Variants in RBFOX3 observed in about 807,000 individuals in gnomAD.
The protein encoded by RBFOX3 is RNA binding protein fox-1 homolog 3.
A neutral mutation model predicts 48.7 loss-of-function variants in RBFOX3; 17 were observed. The observed-to-expected ratio is 0.35, with a 90% CI of 0.24 to 0.52. RBFOX3 has a LOEUF of 0.52. RBFOX3 is among the 20% of genes least tolerant of loss of function. RBFOX3 has a pLI of 0.94. For synonymous variants in RBFOX3, 212 were observed against 209.5 expected, an observed-to-expected ratio of 1.01 and a Z score of -0.10; for missense variants, 382 against 497.5, an observed-to-expected ratio of 0.77 and a Z score of 2.21.
rs377660420 is a variant in RBFOX3 at position 79,106,754 on chromosome 17, G to A, written c.257C>T (p.Pro86Leu). The A allele has an allele frequency of 4.1e-5, 63 of 1,524,860 alleles. No homozygotes were observed. Among genetic ancestry groups the A allele is most frequent in the East Asian group, 7.8e-5 (3 of 38,600 alleles). 94.5% of individuals were successfully genotyped at this position (1,524,860 alleles called of 1,614,324 possible). A position where few individuals can be genotyped will look rare whatever the true frequency, so the allele number is the denominator to read the frequency against. Reference sequence around the variant, plus strand: ...CTCTGTAGGGTCGGAGGGGTGGAGCGGCTGGCTGTCCGTCTGTGCCGCCTC... The same window carrying A: ...CTCTGTAGGGTCGGAGGGGTGGAGCAGCTGGCTGTCCGTCTGTGCCGCCTC... ...TDEAAQTDSQ[P>L]LHPSDPTEKQ... Residue 86 changes from proline to leucine, a missense_variant, in exon 6 of 15, where the codon CCG becomes CTG. By Grantham distance (98) the Pro-to-Leu change is moderately conservative. Coordinates refer to ENST00000693108, the MANE Select transcript of RBFOX3 (RefSeq NM_001350451.2).
intron 4 of RBFOX3, chr17:79,235,405 G>C (rs192869107): frequency 6.6e-6 from 1 of 151,988 alleles, no homozygotes; most frequent in Admixed American, 6.6e-5. Flanking sequence ...GGGGACCTTG[G>C]GGTTGGGGGA....
chr17:79,429,721 G>T (rs924715217), intron 2 of RBFOX3, among the ~76,000 whole-genome samples: 5 of 152,120 alleles, frequency 3.3e-5, no homozygotes, highest in African/African-American at 1.2e-4. Flanking sequence ...CAAAACCGAG[G>T]CCATGGGAAT....
chr17:79,156,736 C>T (rs568522440), intron 4 of RBFOX3, among the ~76,000 whole-genome samples: 1 of 152,316 alleles, frequency 6.6e-6, no homozygotes, highest in East Asian at 1.9e-4. Flanking sequence ...AGAGACTAGC[C>T]CAGGTGCTGT....
intron 2 of RBFOX3, among the ~76,000 whole-genome samples, chr17:79,396,688 G>C (rs1041581893): frequency 7.2e-5 from 11 of 152,224 alleles, no homozygotes; most frequent in African/African-American, 2.7e-4. Flanking sequence ...AGCTGGCCTG[G>C]GTAGGCCCAC....
chr17:79,231,732 A>C (rs1037958717), intron 4 of RBFOX3, among the ~76,000 whole-genome samples: 11 of 152,238 alleles, frequency 7.2e-5, no homozygotes, highest in African/African-American at 2.7e-4. Context: ...AAATCTAAGA[A>C]AAGATGTTCA....
rs891749791 is a variant in RBFOX3 at position 79,421,112 on chromosome 17, A to G, written c.-175+61342T>C. On this transcript the variant is annotated intron_variant, in intron 2 of 14. Coordinates refer to ENST00000693108, the MANE Select transcript of RBFOX3 (RefSeq NM_001350451.2). The surrounding 1 kb of genome is among the most constrained non-coding windows in gnomAD (Gnocchi z 4.5). ...TGAGCCTCCCCAGGTGCTGTCAAACATCAGTGCCAGGAAGATGACACCGTC... is the reference window on the plus strand; with the variant it reads ...TGAGCCTCCCCAGGTGCTGTCAAACGTCAGTGCCAGGAAGATGACACCGTC... Among the ~76,000 whole-genome samples, 5 of 152,236 alleles carry G rather than the reference A, an allele frequency of 3.3e-5. No individual in the cohort carries two copies. The highest frequency in any genetic ancestry group is 6.5e-5 in the Admixed American group (1 of 15,308).
intron 1 of RBFOX3, among the ~76,000 whole-genome samples, chr17:79,589,660 C>A (rs1025376038): frequency 6.6e-6 from 1 of 152,132 alleles, no homozygotes; most frequent in Non-Finnish European, 1.5e-5. Flanking sequence ...CAGAAATGCA[C>A]GGGGAGGAGC....
At chr17:79,106,240 T>G (rs2077344014) in intron 6 of RBFOX3, among the ~76,000 whole-genome samples, 1 of 151,864 alleles carries the variant, frequency 6.6e-6, no homozygotes, top group African/African-American at 2.4e-5. Flanking sequence ...CCCCTCCAGG[T>G]ACCCTCTTGC....
chr17:79,288,714 C>A (rs766017083), intron 3 of RBFOX3, among the ~76,000 whole-genome samples: 1 of 152,162 alleles, frequency 6.6e-6, no homozygotes. Flanking sequence ...CTTCTCACCC[C>A]ACAGCGACAT....
chr17:79,594,234 T>A (rs1274453723), intron 1 of RBFOX3, among the ~76,000 whole-genome samples: 1 of 152,036 alleles, frequency 6.6e-6, no homozygotes, highest in East Asian at 1.9e-4. Flanking sequence ...TTTAAAACCC[T>A]TGGAAACTTT....
At chr17:79,517,458 A>AC (rs1162151274) in intron 1 of RBFOX3, among the ~76,000 whole-genome samples, 76 of 151,536 alleles carry the variant, frequency 5.0e-4, no homozygotes, top group Middle Eastern at 3.4e-3. Flanking sequence ...AAAAAAAAAA[A>AC]AAACAAACAA....
intron 4 of RBFOX3, among the ~76,000 whole-genome samples, chr17:79,174,875 C>G (rs1270232263): frequency 6.6e-6 from 1 of 152,228 alleles, no homozygotes; most frequent in Non-Finnish European, 1.5e-5. Flanking sequence ...TGAGCGTCCC[C>G]TTGCAGGGTA....
chr17:79,176,259 G>A (rs1372649559), intron 4 of RBFOX3, among the ~76,000 whole-genome samples: 2 of 152,224 alleles, frequency 1.3e-5, no homozygotes, highest in Non-Finnish European at 2.9e-5. Flanking sequence ...ACAGAGGTCT[G>A]GGCCCAGCAG....
chr17:79,647,684 C>T, the RBFOX3 span, among the ~76,000 whole-genome samples: 1 of 152,176 alleles, frequency 6.6e-6, no homozygotes, highest in African/African-American at 2.4e-5. Flanking sequence ...GGCCCTGCTG[C>T]CCCTAACTGC....
intron 3 of RBFOX3, among the ~76,000 whole-genome samples, chr17:79,304,926 C>T (rs1358171612): frequency 1.3e-5 from 2 of 152,190 alleles, no homozygotes; most frequent in Non-Finnish European, 2.9e-5. Context: ...CCAAATCCCT[C>T]ACCTCCTTCA....
chr17:79,453,258 A>G (rs1000113347), intron 2 of RBFOX3, among the ~76,000 whole-genome samples: 3 of 152,232 alleles, frequency 2.0e-5, no homozygotes, highest in African/African-American at 7.2e-5. Context: ...GTCCAGAGCG[A>G]TGCCCAGAGA....
At chr17:79,594,288 A>G (rs1483026640) in intron 1 of RBFOX3, among the ~76,000 whole-genome samples, 1 of 152,198 alleles carries the variant, frequency 6.6e-6, no homozygotes, top group Non-Finnish European at 1.5e-5. Context: ...TTCTTCTAGA[A>G]GATTCTGCAT....
At chr17:79,271,082 T>G (rs1389325276) in intron 3 of RBFOX3, among the ~76,000 whole-genome samples, 1 of 90,098 alleles carries the variant, frequency 1.1e-5, no homozygotes, top group Non-Finnish European at 2.6e-5. Flanking sequence ...ATAAGATTTT[T>G]TTTTTTTTTT....
chr17:79,606,970 G>A (rs1434149016), intron 1 of RBFOX3, among the ~76,000 whole-genome samples: 3 of 152,196 alleles, frequency 2.0e-5, no homozygotes, highest in Non-Finnish European at 4.4e-5. Context: ...GGATGGCTCA[G>A]GGAGCAACCT....
Sources: gnomAD v4.1 joint callset for allele counts (sites outside exome capture counted in the v4.1 genomes callset) on GRCh38, gnomAD v4.1.1 for gene constraint, Gnocchi (gnomAD v3.1) non-coding constraint, MANE v1.5 for transcripts, NCBI Gene and HGNC (gene_info 2026-07-23, HGNC 2026-07-21) for gene names.